The following RPTOR variants were observed in gnomAD, a reference collection of about 807,000 sequenced individuals.
RPTOR encodes the protein regulatory associated protein of MTOR complex 1.
RPTOR carries 21 observed loss-of-function variants against 169.9 expected under a neutral mutation model. The ratio of observed to expected loss-of-function variants is 0.12; its 90% CI spans 0.09 to 0.18. The LOEUF (loss-of-function observed/expected upper bound fraction) is 0.18. RPTOR is among the 10% of genes least tolerant of loss of function. The probability of loss-of-function intolerance (pLI) is 1.00; values close to 1 mark genes in which losing one functional copy is unlikely to be tolerated. For missense variants in RPTOR, 1,133 were observed against 1,855.9 expected, an observed-to-expected ratio of 0.61 and a Z score of 7.16; for synonymous variants, 732 against 753.2, an observed-to-expected ratio of 0.97 and a Z score of 0.46.
At chr17:80,613,823 G>A (rs2065289214) in intron 1 of RPTOR, among the ~76,000 whole-genome samples, 1 of 150,730 alleles carries the variant, frequency 6.6e-6, no homozygotes, top group South Asian at 2.1e-4. Flanking sequence ...GGTGCTCTCT[G>A]TTGTTGAATG....
chr17:80,816,715 G>A (rs1234514503), intron 7 of RPTOR, among the ~76,000 whole-genome samples: 11 of 152,224 alleles, frequency 7.2e-5, no homozygotes, highest in Non-Finnish European at 1.5e-5. Flanking sequence ...GGAGGAGGTG[G>A]CTTGGAAGGG....
chr17:80,877,188 T>C (rs1353169406), intron 13 of RPTOR, among the ~76,000 whole-genome samples: 1 of 152,170 alleles, frequency 6.6e-6, no homozygotes, highest in Non-Finnish European at 1.5e-5. Context: ...TTGGTCTAAG[T>C]GTGCTTGTAA....
chr17:80,876,650 C>T lies in RPTOR; in HGVS notation c.1510-3765C>T, dbSNP rs561383427. Reference sequence around the variant, plus strand: ...GCCTGCTGGGTCTTCACACCGAGCCCGTGCCACGCAGGGTGTGTGTGTCGC... The same window carrying T: ...GCCTGCTGGGTCTTCACACCGAGCCTGTGCCACGCAGGGTGTGTGTGTCGC... On this transcript the variant is annotated intron_variant, in intron 13 of 33. Transcript: ENST00000306801. Among the ~76,000 whole-genome samples, 131 of 125,302 alleles carry T rather than the reference C, an allele frequency of 1.0e-3. 2 individuals carry two copies. The highest frequency in any genetic ancestry group is 3.6e-3 in the African/African-American group (112 of 30,844). The allele number at this position is 125,302 out of a possible 152,430, so 82.2% of individuals were successfully genotyped here.
At chr17:80,892,929 C>A (rs1243751792) in intron 19 of RPTOR, 60 bp downstream of exon 19, 1 of 1,577,878 alleles carries the variant, frequency 6.3e-7, no homozygotes, top group African/African-American at 1.3e-5. Context: ...TTTTCTGAAA[C>A]ACTGTATCTG....
chr17:80,964,178 G>A, intron 33 of RPTOR, 84 bp from the exon 34 acceptor site: 1 of 1,127,420 alleles, frequency 8.9e-7, no homozygotes, highest in Admixed American at 1.7e-5. Context: ...GCTGCCTAAG[G>A]ATGCGGGTTG....
intron 10 of RPTOR, among the ~76,000 whole-genome samples, chr17:80,846,267 C>G (rs2067728868): frequency 6.6e-6 from 1 of 152,278 alleles, no homozygotes; most frequent in African/African-American, 2.4e-5. Flanking sequence ...TCTTCTCCTG[C>G]CTGCCTCTGG....
intron 4 of RPTOR, among the ~76,000 whole-genome samples, chr17:80,725,040 G>A (rs1285619018): frequency 1.3e-5 from 2 of 152,180 alleles, no homozygotes; most frequent in African/African-American, 2.4e-5. Context: ...CTTCTGCTCT[G>A]TAATTTAAAG....
Position 80,908,945 on chromosome 17 carries a change from T to TTGGG in RPTOR, c.2520+16_2520+17insTGGG. The TTGGG allele has an allele frequency of 6.4e-7, 1 of 1,561,140 alleles. No homozygotes were observed. On this transcript the variant is annotated intron_variant, in intron 21 of 33. Transcript: ENST00000306801. Reference sequence around the variant, plus strand: ...CGCCTACAAGGTACGTGCCGGGCGCTCCCCACCGCGCTCCAGCTGCTGGTT... The same window carrying TTGGG: ...CGCCTACAAGGTACGTGCCGGGCGCTTGGGCCCCACCGCGCTCCAGCTGCTGGTT...
At chr17:80,700,439 ATGGTGGTGGTGGTGATGG>A (rs1567864214) in intron 3 of RPTOR, among the ~76,000 whole-genome samples, 2 of 93,880 alleles carry the variant, frequency 2.1e-5, no homozygotes, top group Admixed American at 9.9e-5. Context: ...GGTGGTTATG[ATGGTGGTGGTGGTGATGG>A]TGGTGGTGGT....
chr17:80,646,551 G>GT lies in RPTOR; in HGVS notation c.348+2744dup, dbSNP rs1178824631. On this transcript the variant is annotated intron_variant, in intron 3 of 33. Coordinates refer to ENST00000306801, the MANE Select transcript of RPTOR (RefSeq NM_020761.3). The surrounding 1 kb of genome is among the most constrained non-coding windows in gnomAD (Gnocchi z 5.0). ...CAGGAGGCACTTAGCAAACTCAGAT[G>GT]TTTGTGTGCAAGGGGCCTGGTTCCT... Among the ~76,000 whole-genome samples, 6 of 152,184 alleles carry GT rather than the reference G, an allele frequency of 3.9e-5. No individual in the cohort carries two copies. The highest frequency in any genetic ancestry group is 1.4e-4 in the African/African-American group (6 of 41,440).
intron 17 of RPTOR, among the ~76,000 whole-genome samples, chr17:80,889,575 C>A (rs1371566061): frequency 2.0e-5 from 3 of 152,184 alleles, no homozygotes; most frequent in Non-Finnish European, 4.4e-5. Context: ...CTTGCAAAAG[C>A]TGAGAGAGAG....
At chr17:80,866,355 C>T (rs1456609058) in intron 13 of RPTOR, among the ~76,000 whole-genome samples, 12 of 152,056 alleles carry the variant, frequency 7.9e-5, no homozygotes, top group African/African-American at 2.4e-4. Context: ...AAAAGAGGGA[C>T]GGTCTCCAAC....
At chr17:80,561,251 G>GTATATATATA (rs1488660271) in intron 1 of RPTOR, among the ~76,000 whole-genome samples, 3 of 4,228 alleles carry the variant, frequency 7.1e-4, no homozygotes, top group African/African-American at 9.4e-4. Context: ...ATATATATAT[G>GTATATATATA]TATATATATA....
intron 7 of RPTOR, among the ~76,000 whole-genome samples, chr17:80,796,466 G>T (rs1422444205): frequency 6.6e-6 from 1 of 152,200 alleles, no homozygotes; most frequent in Non-Finnish European, 1.5e-5. Flanking sequence ...GTCTTACATG[G>T]CAGGAGAGCG....
chr17:80,578,360 C>G (rs550568404), intron 1 of RPTOR, among the ~76,000 whole-genome samples: 16 of 152,258 alleles, frequency 1.1e-4, no homozygotes, highest in Middle Eastern at 3.4e-3. Flanking sequence ...CTGACTGTCT[C>G]CAAAGTGGCG....
At chr17:80,847,079 T>A (rs187862804) in intron 11 of RPTOR, among the ~76,000 whole-genome samples, 91 of 152,376 alleles carry the variant, frequency 6.0e-4, no homozygotes, top group Non-Finnish European at 2.9e-5. Context: ...CAGAGCGGCT[T>A]TGTGGCCCAG....
chr17:80,955,635 C>T (rs1227935280), intron 28 of RPTOR, among the ~76,000 whole-genome samples: 1 of 152,022 alleles, frequency 6.6e-6, no homozygotes. Flanking sequence ...GCAGTATCTA[C>T]GAGTTACAGA....
intron 3 of RPTOR, among the ~76,000 whole-genome samples, chr17:80,658,197 T>C (rs539975958): frequency 3.9e-5 from 6 of 152,358 alleles, no homozygotes; most frequent in Admixed American, 3.3e-4. Context: ...TATCTGCTTC[T>C]TTACACTTAT....
intron 3 of RPTOR, among the ~76,000 whole-genome samples, chr17:80,677,483 C>T (rs565554194): frequency 6.6e-6 from 1 of 152,120 alleles, no homozygotes; most frequent in East Asian, 1.9e-4. Context: ...TGCTTTTGAT[C>T]TGGTCCCTGC....
Sources: allele counts gnomAD v4.1 joint callset (sites outside exome capture counted in the v4.1 genomes callset), GRCh38; gene constraint gnomAD v4.1.1; non-coding constraint Gnocchi (gnomAD v3.1); transcripts MANE v1.5; gene names NCBI Gene and HGNC (gene_info 2026-07-23, HGNC 2026-07-21).